The following B4GALNT3 variants were observed in gnomAD, a reference collection of about 807,000 sequenced individuals.
The protein encoded by B4GALNT3 is beta-1,4-N-acetyl-galactosaminyltransferase 3, also known as beta-1,4-N-acetylgalactosaminyltransferase 3.
A neutral mutation model predicts 120.2 loss-of-function variants in B4GALNT3; 86 were observed. That is an observed-to-expected ratio of 0.72 (90% confidence interval 0.60 to 0.86). The LOEUF (loss-of-function observed/expected upper bound fraction) is 0.86. B4GALNT3 is among the 40% of genes least tolerant of loss of function. The pLI is 0.00. For synonymous variants in B4GALNT3, 518 were observed against 510.4 expected, an observed-to-expected ratio of 1.01 and a Z score of -0.20; for missense variants, 1,167 against 1,298.9, an observed-to-expected ratio of 0.90 and a Z score of 1.56.
intron 1 of B4GALNT3, among the ~76,000 whole-genome samples, chr12:504,548 C>T (rs982865566): frequency 1.3e-5 from 2 of 151,896 alleles, no homozygotes; most frequent in African/African-American, 2.4e-5. Flanking sequence ...CAACCTCCGC[C>T]TCCCGGGCCC....
chr12:516,972 TC>T (rs1288374837), intron 1 of B4GALNT3, among the ~76,000 whole-genome samples: 2 of 151,994 alleles, frequency 1.3e-5, no homozygotes, highest in African/African-American at 4.8e-5. Context: ...GGGAGAGGAA[TC>T]AAGTAGTTTG....
At chr12:545,085 C>T (rs1946975798) in intron 5 of B4GALNT3, 113 bp downstream of exon 5, 7 of 1,471,792 alleles carry the variant, frequency 4.8e-6, no homozygotes, top group Non-Finnish European at 6.3e-6. Context: ...GTTAGTCCAC[C>T]CTCAGGAAGA....
chr12:541,775 G>C (rs2120681098), intron 3 of B4GALNT3, among the ~76,000 whole-genome samples: 1 of 151,586 alleles, frequency 6.6e-6, no homozygotes, highest in African/African-American at 2.4e-5. Context: ...AGGCCCTGAG[G>C]GTGAGGCAGG....
intron 1 of B4GALNT3, among the ~76,000 whole-genome samples, chr12:470,219 G>A (rs1307027914): frequency 6.6e-6 from 1 of 152,216 alleles, no homozygotes; most frequent in Non-Finnish European, 1.5e-5. Context: ...GAACCGAGAG[G>A]TGGCAGCTCT....
intron 3 of B4GALNT3, among the ~76,000 whole-genome samples, chr12:539,637 G>A (rs1592048385): frequency 1.3e-5 from 2 of 152,268 alleles, no homozygotes; most frequent in Admixed American, 6.5e-5. Flanking sequence ...TCAAGGCTGG[G>A]TGTGGTGGCT....
At position 471,384 on chromosome 12, in the gene B4GALNT3, C is replaced by CAATAAATAAATA. The variant is rs111851364; in HGVS notation, c.169+10868_169+10879dup. On this transcript the variant is annotated intron_variant, in intron 1 of 19. Transcript: ENST00000266383. Reference sequence around the variant, plus strand: ...TGGGTGACAGAGTGAGACTCTGTCTCAATAAATAAATAAATAAATAAATAA... The same window carrying CAATAAATAAATA: ...TGGGTGACAGAGTGAGACTCTGTCTCAATAAATAAATAAATAAATAAATAAATAAATAAATAA... Among the ~76,000 whole-genome samples, 342 of 137,346 alleles carry CAATAAATAAATA rather than the reference C, an allele frequency of 2.5e-3. 1 individual carries two copies. Among genetic ancestry groups the CAATAAATAAATA allele is most frequent in the South Asian group, 7.9e-3 (31 of 3,938 alleles). 90.1% of individuals were successfully genotyped at this position (137,346 alleles called of 152,430 possible).
chr12:492,048 A>C (rs1164470204), intron 1 of B4GALNT3, among the ~76,000 whole-genome samples: 2 of 114,414 alleles, frequency 1.7e-5, no homozygotes, highest in African/African-American at 3.4e-5. Context: ...CCAGAACGAG[A>C]CCGTCTCAAA....
chr12:503,495 G>A lies in B4GALNT3; in HGVS notation c.170-31671G>A, dbSNP rs533231338. Among the ~76,000 whole-genome samples, 11 of 152,234 alleles carry A rather than the reference G, an allele frequency of 7.2e-5. 1 individual carries two copies. In the South Asian group the frequency reaches 2.1e-3, roughly 29 times the overall value. On this transcript the variant is annotated intron_variant, in intron 1 of 19. Transcript: ENST00000266383. ...TTTCCTGTCTGCATCTCAGATTTCT[G>A]ACCTGTAAAATGAACCTCAGGCTCA...
At chr12:505,564 A>C (rs1472947589) in intron 1 of B4GALNT3, among the ~76,000 whole-genome samples, 2 of 152,174 alleles carry the variant, frequency 1.3e-5, no homozygotes, top group Non-Finnish European at 2.9e-5. Flanking sequence ...GCCTGGGGGA[A>C]CATTTGCCCC....
At chr12:560,984 G>A (rs757453634) in intron 19 of B4GALNT3, among the ~76,000 whole-genome samples, 24 of 152,244 alleles carry the variant, frequency 1.6e-4, no homozygotes, top group Non-Finnish European at 1.8e-4. Context: ...TGTGCCAGGA[G>A]CCGTGCTGAG....
Position 553,685 on chromosome 12 carries a change from C to T in B4GALNT3, c.1762C>T (p.His588Tyr). 2 of 1,613,992 alleles carry T rather than the reference C, an allele frequency of 1.2e-6. No individual in the cohort carries two copies. Residue 588 changes from histidine to tyrosine, a missense_variant, in exon 14 of 20, where the codon CAT becomes TAT. His to Tyr is a moderately conservative substitution (Grantham distance 83). Transcript: ENST00000266383. ...MRPQAPGRGW[H>Y]GEEEVVAAAG... ...GCCTCAGGCCCCTGGAAGGGGCTGG[C>T]ATGGGGAGGAGGAAGTGGTGGCGGC...
chr12:479,886 T>TAA (rs55816108), intron 1 of B4GALNT3, among the ~76,000 whole-genome samples: 39 of 140,584 alleles, frequency 2.8e-4, no homozygotes, highest in African/African-American at 4.5e-4. Flanking sequence ...ACTGACCAAT[T>TAA]AAAAAAAAAC....
At chr12:486,988 G>C (rs1175850341) in intron 1 of B4GALNT3, among the ~76,000 whole-genome samples, 2 of 152,060 alleles carry the variant, frequency 1.3e-5, no homozygotes, top group Non-Finnish European at 2.9e-5. Context: ...AGAAAGATGG[G>C]AATTCTAAGA....
At chr12:558,981 T>C (rs1216664562) in intron 18 of B4GALNT3, among the ~76,000 whole-genome samples, 1 of 151,930 alleles carries the variant, frequency 6.6e-6, no homozygotes, top group African/African-American at 2.4e-5. Flanking sequence ...GTAGCCTCCC[T>C]GCCTGTGGAA....
In B4GALNT3 at chr12:550,879, G is replaced by A. The variant is rs570749950; in HGVS notation, c.998-43G>A. The A allele has an allele frequency of 1.5e-5, 23 of 1,495,978 alleles. No homozygotes were observed. The highest frequency in any genetic ancestry group is 4.6e-5 in the South Asian group (4 of 86,986). The allele number at this position is 1,495,978 out of a possible 1,614,324, so 92.7% of individuals were successfully genotyped here. Reference sequence around the variant, plus strand: ...GGCAGAGGACTTCAGCCCCAGTTTCGTGCTCACCCTCACCCTCACTCCTCC... The same window carrying A: ...GGCAGAGGACTTCAGCCCCAGTTTCATGCTCACCCTCACCCTCACTCCTCC... On this transcript the variant is annotated intron_variant, in intron 10 of 19. Transcript: ENST00000266383. The surrounding 1 kb of genome is among the most constrained non-coding windows in gnomAD (Gnocchi z 4.1).
intron 1 of B4GALNT3, among the ~76,000 whole-genome samples, chr12:500,662 G>A (rs1198103593): frequency 2.6e-5 from 4 of 152,008 alleles, no homozygotes; most frequent in Non-Finnish European, 4.4e-5. Context: ...CCTGAATCCC[G>A]TGGGTGCCCC....
Position 561,448 on chromosome 12 carries a change from G to A in B4GALNT3, c.2994G>A (p.Leu998=), listed in dbSNP as rs558745755. The A allele has an allele frequency of 3.7e-6, 6 of 1,611,134 alleles. No homozygotes were observed. The highest frequency in any genetic ancestry group is 2.7e-5 in the African/African-American group (2 of 75,052). ...GGAGCCGTCGCCAGATGAAGACGCT[G>A]TAGCCGGAGGGTGTCCGCGGGGCCC... ...GMWSRRQMKT[L] is the part of the protein sequence containing the mutation. The change falls in exon 20 of 20, where the codon CTG becomes CTA. Residue 998 remains leucine, a synonymous_variant. Transcript: ENST00000266383.
At chr12:541,922 C>T (rs992765436) in intron 3 of B4GALNT3, among the ~76,000 whole-genome samples, 1 of 149,846 alleles carries the variant, frequency 6.7e-6, no homozygotes, top group Non-Finnish European at 1.5e-5. Context: ...ATGCCCTCCC[C>T]CACTGCCCTC....
chr12:511,495 A>C (rs1042152816), intron 1 of B4GALNT3, among the ~76,000 whole-genome samples: 10 of 64,740 alleles, frequency 1.5e-4, no homozygotes, highest in Non-Finnish European at 2.0e-4. Context: ...TCCACCTTCC[A>C]CCTTCCACCT....
Sources: gnomAD v4.1 joint callset for allele counts (sites outside exome capture counted in the v4.1 genomes callset) on GRCh38, gnomAD v4.1.1 for gene constraint, Gnocchi (gnomAD v3.1) non-coding constraint, MANE v1.5 for transcripts, NCBI Gene and HGNC (gene_info 2026-07-23, HGNC 2026-07-21) for gene names.